The following PACSIN2 variants were observed in gnomAD, a reference collection of about 807,000 sequenced individuals.
PACSIN2 encodes the protein protein kinase C and casein kinase substrate in neurons protein 2.
Under a neutral mutation model 63.8 loss-of-function variants are expected in PACSIN2, and 25 were observed. That is an observed-to-expected ratio of 0.39 (90% confidence interval 0.29 to 0.55). PACSIN2 has a LOEUF of 0.55. Among genes scored for constraint, PACSIN2 ranks in the 20% least tolerant of loss-of-function variants. The pLI, the probability that PACSIN2 is intolerant of heterozygous loss-of-function variation, is 0.62. For synonymous variants in PACSIN2, 255 were observed against 256.2 expected, an observed-to-expected ratio of 1.00 and a Z score of 0.05; for missense variants, 518 against 646.9, an observed-to-expected ratio of 0.80 and a Z score of 2.16.
At chr22:42,941,782 T>G (rs1326130851) in intron 1 of PACSIN2, among the ~76,000 whole-genome samples, 1 of 152,098 alleles carries the variant, frequency 6.6e-6, no homozygotes, top group African/African-American at 2.4e-5. Flanking sequence ...TGTTTTGTTT[T>G]GTTTGAGACA....
At chr22:42,924,629 A>G (rs1468957428) in intron 1 of PACSIN2, among the ~76,000 whole-genome samples, 1 of 151,850 alleles carries the variant, frequency 6.6e-6, no homozygotes, top group Non-Finnish European at 1.5e-5. Context: ...ACCCTACACC[A>G]AGCTCCACTT....
chr22:42,994,149 T>A (rs1923238095), intron 1 of PACSIN2, among the ~76,000 whole-genome samples: 1 of 152,146 alleles, frequency 6.6e-6, no homozygotes, highest in East Asian at 1.9e-4. Flanking sequence ...AGAGATGTCA[T>A]CAGCAAAGCC....
At chr22:42,961,850 C>A (rs1412871478) in intron 1 of PACSIN2, among the ~76,000 whole-genome samples, 2 of 152,170 alleles carry the variant, frequency 1.3e-5, no homozygotes, top group Admixed American at 1.3e-4. Flanking sequence ...GACTCTATTA[C>A]TTGACATATG....
At chr22:42,953,750 T>C (rs1933799894) in intron 1 of PACSIN2, among the ~76,000 whole-genome samples, 1 of 152,200 alleles carries the variant, frequency 6.6e-6, no homozygotes, top group South Asian at 2.1e-4. Flanking sequence ...AGTTTTGAAA[T>C]TAAGACAATC....
chr22:42,909,519 C>T (rs1215535434), intron 2 of PACSIN2: 6 of 470,980 alleles, frequency 1.3e-5, no homozygotes, highest in Non-Finnish European at 1.8e-5. Flanking sequence ...AACGAACATC[C>T]GTCATGGAGA....
chr22:42,930,696 G>A (rs943824156), intron 1 of PACSIN2, among the ~76,000 whole-genome samples: 47 of 152,200 alleles, frequency 3.1e-4, no homozygotes, highest in African/African-American at 1.1e-3. Flanking sequence ...TCTGGTTTGG[G>A]TCAGTGGGAA....
intron 1 of PACSIN2, among the ~76,000 whole-genome samples, chr22:42,952,146 T>C (rs1273041355): frequency 1.3e-5 from 2 of 152,186 alleles, no homozygotes; most frequent in African/African-American, 2.4e-5. Flanking sequence ...AGGTTCCTTA[T>C]GCACCAGGAT....
rs1923668574 is a variant in PACSIN2, at chr22:43,000,080, C to A, written c.-78+14941G>T. Among the ~76,000 whole-genome samples the A allele has an allele frequency of 2.0e-5, 3 of 152,252 alleles. No individual in the cohort carries two copies. In the South Asian group the frequency reaches 6.2e-4, roughly 31 times the overall value. On this transcript the variant is annotated intron_variant, in intron 1 of 10. Transcript: ENST00000263246. ...GAGCTGGGATTCAAGCCCAGGCAATCTGGTTGCAGAGCTCCTTACTAACAA... is the reference window on the plus strand; with the variant it reads ...GAGCTGGGATTCAAGCCCAGGCAATATGGTTGCAGAGCTCCTTACTAACAA...
chr22:42,889,417 T>C (rs1929744165), intron 4 of PACSIN2, among the ~76,000 whole-genome samples: 1 of 78,406 alleles, frequency 1.3e-5, no homozygotes, highest in Non-Finnish European at 2.8e-5. Flanking sequence ...AGATCCTTCC[T>C]TATTTGAGCC....
At chr22:42,986,404 G>C (rs140875356) in intron 1 of PACSIN2, among the ~76,000 whole-genome samples, 5 of 152,190 alleles carry the variant, frequency 3.3e-5, no homozygotes, top group Admixed American at 6.5e-5. Flanking sequence ...CCGGCCAAAC[G>C]AAATCAAACG....
At chr22:42,944,553 G>A (rs1464397319) in intron 1 of PACSIN2, among the ~76,000 whole-genome samples, 1 of 152,030 alleles carries the variant, frequency 6.6e-6, no homozygotes, top group Non-Finnish European at 1.5e-5. Context: ...CCCACTCTGG[G>A]GAACATGCCC....
chr22:42,905,046 T>G (rs1359419505), intron 2 of PACSIN2, among the ~76,000 whole-genome samples: 1 of 152,248 alleles, frequency 6.6e-6, no homozygotes, highest in Non-Finnish European at 1.5e-5. Context: ...AAAGTTATTC[T>G]GACATCACTG....
chr22:42,876,788 G>A (rs1037382836), intron 9 of PACSIN2, 100 bp downstream of exon 9: 10 of 1,490,726 alleles, frequency 6.7e-6, no homozygotes, highest in East Asian at 2.3e-5. Flanking sequence ...GCAGAGCTCC[G>A]TGCATTGCCG....
In PACSIN2 at chr22:42,911,983, T is replaced by G. The variant is rs955078201; in HGVS notation, c.60+38A>C. On this transcript the variant is annotated intron_variant, in intron 2 of 10. Coordinates refer to ENST00000263246, the MANE Select transcript of PACSIN2 (RefSeq NM_001184970.3). ...AAGGGCCTGCCAGACACTATTGGCC[T>G]GGCCACTTCATTCACTGGAAGAAAG... 2.0e-6 allele frequency: 3 copies of G among 1,519,692 alleles called. No homozygotes were observed. In the African/African-American group the frequency reaches 4.1e-5, roughly 21 times the overall value. 94.1% of individuals were successfully genotyped at this position (1,519,692 alleles called of 1,614,324 possible).
At chr22:42,900,527 G>A (rs1184793094) in intron 2 of PACSIN2, among the ~76,000 whole-genome samples, 1 of 152,100 alleles carries the variant, frequency 6.6e-6, no homozygotes, top group African/African-American at 2.4e-5. Flanking sequence ...TATTGCCCAG[G>A]CTGGAGTGCA....
rs375398257 is a variant in PACSIN2, at chr22:42,991,571, C to A, written c.-78+23450G>T. On this transcript the variant is annotated intron_variant, in intron 1 of 10. Transcript: ENST00000263246. Reference sequence around the variant, plus strand: ...CTGTGCGGGAATCCAGCGGGCATCGCCCAGTCCCTTTCCCAGCCCTATCCA... The same window carrying A: ...CTGTGCGGGAATCCAGCGGGCATCGACCAGTCCCTTTCCCAGCCCTATCCA... 6.9e-4 allele frequency among the ~76,000 whole-genome samples: 105 copies of A among 152,240 alleles called. 1 individual carries two copies. The highest frequency in any genetic ancestry group is 2.4e-3 in the African/African-American group (98 of 41,458).
chr22:42,989,567 C>T (rs1274926401), intron 1 of PACSIN2, among the ~76,000 whole-genome samples: 25 of 147,878 alleles, frequency 1.7e-4, no homozygotes, highest in African/African-American at 5.5e-4. Context: ...GAGGCCGAGG[C>T]GGGTGGATCA....
intron 1 of PACSIN2, among the ~76,000 whole-genome samples, chr22:42,971,353 C>T (rs1432629902): frequency 6.6e-6 from 1 of 152,258 alleles, no homozygotes; most frequent in Non-Finnish European, 1.5e-5. Flanking sequence ...TCCCGAGGTG[C>T]CAGGACTGCA....
chr22:42,991,569 C>G (rs991737163), intron 1 of PACSIN2, among the ~76,000 whole-genome samples: 1 of 152,228 alleles, frequency 6.6e-6, no homozygotes, highest in Non-Finnish European at 1.5e-5. Context: ...CAGCGGGCAT[C>G]GCCCAGTCCC....
Sources: gnomAD v4.1 joint callset for allele counts (sites outside exome capture counted in the v4.1 genomes callset) on GRCh38, gnomAD v4.1.1 for gene constraint, MANE v1.5 for transcripts, NCBI Gene and HGNC (gene_info 2026-07-23, HGNC 2026-07-21) for gene names.